ADK: variants seen among roughly 807,000 people sequenced by gnomAD.
ADK encodes the protein N6,N6-dimethyladenosine kinase.
In ADK, 24 loss-of-function variants were observed where a neutral mutation model predicts 44.7. The ratio of observed to expected loss-of-function variants is 0.54; its 90% confidence interval spans 0.39 to 0.76. The LOEUF is 0.76. Ranked by LOEUF, ADK falls within the 30% of genes least tolerant of loss-of-function variation. ADK has a pLI of 0.00. For missense variants in ADK, 321 were observed against 425.1 expected, an observed-to-expected ratio of 0.76 and a Z score of 2.15; for synonymous variants, 128 against 142.6, an observed-to-expected ratio of 0.90 and a Z score of 0.73.
Position 74,220,828 on chromosome 10 carries a change from G to A in ADK, c.141-3710G>A, listed in dbSNP as rs190893231. On this transcript the variant is annotated intron_variant, in intron 2 of 10. Coordinates refer to ENST00000539909, the MANE Select transcript of ADK (RefSeq NM_006721.4). ...TTAACAAAATTTAACAACCCTTCAT[G>A]CTAAAAATTCTCAATAAATTAGGTA... Among the ~76,000 whole-genome samples the A allele has an allele frequency of 1.1e-3, 167 of 152,164 alleles. 1 individual carries two copies. The highest frequency in any genetic ancestry group is 9.6e-3 in the Admixed American group (146 of 15,284).
intron 4 of ADK, among the ~76,000 whole-genome samples, chr10:74,325,721 G>C (rs1265791864): frequency 6.6e-6 from 1 of 152,048 alleles, no homozygotes; most frequent in Non-Finnish European, 1.5e-5. Context: ...TGCATTTTCT[G>C]CATCTATTGA....
intron 1 of ADK, among the ~76,000 whole-genome samples, chr10:74,164,505 C>T (rs994245455): frequency 1.4e-4 from 21 of 152,144 alleles, no homozygotes; most frequent in Non-Finnish European, 2.9e-4. Context: ...CACTGCACCA[C>T]AGCCTGGGCG....
chr10:74,179,794 C>A (rs772959690), intron 1 of ADK, among the ~76,000 whole-genome samples: 16 of 152,176 alleles, frequency 1.1e-4, no homozygotes, highest in Non-Finnish European at 1.5e-4. Flanking sequence ...TCTTTGGAAT[C>A]GTCATCCTTT....
chr10:74,613,985 T>TA (rs1389706993), intron 9 of ADK, among the ~76,000 whole-genome samples: 1 of 152,168 alleles, frequency 6.6e-6, no homozygotes, highest in African/African-American at 2.4e-5. Flanking sequence ...GGTAAGATCT[T>TA]AGAGAAAATA....
intron 9 of ADK, among the ~76,000 whole-genome samples, chr10:74,662,752 G>C (rs1331967477): frequency 6.6e-6 from 1 of 152,098 alleles, no homozygotes; most frequent in Non-Finnish European, 1.5e-5. Context: ...TTGCTAGTCT[G>C]GGGCCTCTGC....
intron 1 of ADK, among the ~76,000 whole-genome samples, chr10:74,190,922 CT>C (rs769667235): frequency 1.9e-4 from 28 of 151,118 alleles, no homozygotes; most frequent in Non-Finnish European, 4.1e-4. Flanking sequence ...ATAAATGCTC[CT>C]TGGATTGTTG....
chr10:74,371,849 T>G, intron 4 of ADK: 1 of 1,342,380 alleles, frequency 7.4e-7, no homozygotes, highest in South Asian at 1.2e-5. Context: ...ACTTCACTCC[T>G]GGAACCTTCA....
intron 7 of ADK, among the ~76,000 whole-genome samples, chr10:74,576,081 GA>G (rs932289072): frequency 6.6e-6 from 1 of 151,170 alleles, no homozygotes; most frequent in African/African-American, 2.4e-5. Flanking sequence ...CCACCCCAGA[GA>G]AAAAAAAGTA....
chr10:74,272,840 G>C (rs1354681715), intron 3 of ADK, among the ~76,000 whole-genome samples: 1 of 152,118 alleles, frequency 6.6e-6, no homozygotes, highest in Non-Finnish European at 1.5e-5. Flanking sequence ...TGCTCTGAGT[G>C]GGGGCTCCTT....
intron 6 of ADK, among the ~76,000 whole-genome samples, chr10:74,444,864 C>T (rs1366882694): frequency 1.4e-5 from 2 of 139,144 alleles, no homozygotes; most frequent in Non-Finnish European, 2.9e-5. Context: ...CACCAGAAAT[C>T]ACAAAATCCA....
At chr10:74,296,910 G>A (rs1839839648) in intron 3 of ADK, among the ~76,000 whole-genome samples, 1 of 151,922 alleles carries the variant, frequency 6.6e-6, no homozygotes, top group South Asian at 2.1e-4. Context: ...CATCGCGCCC[G>A]GCCCTTAAGT....
chr10:74,698,012 G>T (rs375946616), intron 10 of ADK, among the ~76,000 whole-genome samples: 4 of 152,116 alleles, frequency 2.6e-5, no homozygotes, highest in African/African-American at 9.7e-5. Context: ...AAGATAATAG[G>T]CTACACCAAT....
chr10:74,610,796 T>C (rs2098787552), intron 9 of ADK, among the ~76,000 whole-genome samples: 1 of 152,034 alleles, frequency 6.6e-6, no homozygotes, highest in Admixed American at 6.6e-5. Flanking sequence ...GAGCAACTAC[T>C]AATGAGATCT....
intron 3 of ADK, among the ~76,000 whole-genome samples, chr10:74,287,982 CAAAAAA>C (rs367569110): frequency 1.5e-5 from 1 of 68,624 alleles, no homozygotes. Context: ...GACCCTGTCT[CAAAAAA>C]AAAAAAAAAA....
chr10:74,351,844 A>G (rs1350509245), intron 4 of ADK, among the ~76,000 whole-genome samples: 1 of 152,142 alleles, frequency 6.6e-6, no homozygotes, highest in African/African-American at 2.4e-5. Context: ...AATACCTAGG[A>G]ATACAACTTA....
chr10:74,259,245 T>A (rs565406799), intron 3 of ADK, among the ~76,000 whole-genome samples: 2 of 151,452 alleles, frequency 1.3e-5, no homozygotes, highest in South Asian at 4.2e-4. Context: ...GTGCCTGGCA[T>A]ATAGAATATT....
chr10:74,158,488 G>A (rs547662322), intron 1 of ADK, among the ~76,000 whole-genome samples: 3 of 152,190 alleles, frequency 2.0e-5, no homozygotes, highest in Non-Finnish European at 4.4e-5. Flanking sequence ...TTGAACTGAT[G>A]TAAAGGTGTC....
At chr10:74,154,729 T>G (rs979507318) in intron 1 of ADK, among the ~76,000 whole-genome samples, 2 of 152,218 alleles carry the variant, frequency 1.3e-5, no homozygotes, top group African/African-American at 2.4e-5. Flanking sequence ...CCTCCTTTAC[T>G]CCAAAGTTTG....
At chr10:74,178,537 G>A (rs893879661) in intron 1 of ADK, among the ~76,000 whole-genome samples, 1 of 152,166 alleles carries the variant, frequency 6.6e-6, no homozygotes, top group Non-Finnish European at 1.5e-5. Flanking sequence ...TGTGGATTCA[G>A]TTTTAATTGA....
Sources: allele counts gnomAD v4.1 joint callset (sites outside exome capture counted in the v4.1 genomes callset), GRCh38; gene constraint gnomAD v4.1.1; transcripts MANE v1.5; gene names NCBI Gene and HGNC (gene_info 2026-07-23, HGNC 2026-07-21).